The following ECI2 variants were observed in gnomAD, a reference collection of about 807,000 sequenced individuals.
ECI2 encodes the protein D3,D2-enoyl-CoA isomerase.
A neutral mutation model predicts 38.4 loss-of-function variants in ECI2; 27 were observed. The observed-to-expected ratio is 0.70, with a 90% CI of 0.52 to 0.97. The LOEUF is 0.97. ECI2 is among the 50% of genes least tolerant of loss of function. The pLI, the probability that ECI2 is intolerant of heterozygous loss-of-function variation, is 0.00. For missense variants in ECI2, 470 were observed against 474.4 expected (o/e 0.99, Z 0.09); for synonymous variants, 168 against 172.0 (o/e 0.98, Z 0.18).
At chr6:4,123,839 C>T (rs1380685056) in intron 7 of ECI2, among the ~76,000 whole-genome samples, 3 of 151,706 alleles carry the variant, frequency 2.0e-5, no homozygotes, top group Middle Eastern at 3.2e-3. Flanking sequence ...TGTGGTGGCA[C>T]GCACCTGTAC....
At chr6:4,119,307 T>C (rs1406501511) in intron 7 of ECI2, 32 bp from the exon 8 acceptor site, 1 of 1,509,588 alleles carries the variant, frequency 6.6e-7, no homozygotes, top group East Asian at 2.3e-5. Flanking sequence ...GAAAACCATC[T>C]TTTCATGTGT....
chr6:4,118,714 G>A (rs1167353074), intron 8 of ECI2: 1 of 153,546 alleles, frequency 6.5e-6, no homozygotes, highest in Non-Finnish European at 1.5e-5. Flanking sequence ...TGGCAGCCGT[G>A]AGCCCCCACA....
At chr6:4,116,214 G>A (rs1772258482) in intron 9 of ECI2, among the ~76,000 whole-genome samples, 185 bp from the exon 10 acceptor site, 1 of 151,896 alleles carries the variant, frequency 6.6e-6, no homozygotes. Context: ...AGCTGGTTGT[G>A]GTGGTACATG....
intron 2 of ECI2, among the ~76,000 whole-genome samples, chr6:4,131,307 G>A (rs1773498264): frequency 6.6e-6 from 1 of 151,984 alleles, no homozygotes; most frequent in Non-Finnish European, 1.5e-5. Flanking sequence ...GTGGACTTTT[G>A]GTACCTGGGT....
At chr6:4,128,634 G>A (rs1773328991) in intron 4 of ECI2, among the ~76,000 whole-genome samples, 2 of 152,018 alleles carry the variant, frequency 1.3e-5, no homozygotes, top group African/African-American at 4.8e-5. Flanking sequence ...AAAAATACCT[G>A]GAAAAGAATT....
chr6:4,122,406 A>C (rs1772860452), intron 7 of ECI2, among the ~76,000 whole-genome samples: 1 of 152,052 alleles, frequency 6.6e-6, no homozygotes, highest in South Asian at 2.1e-4. Context: ...TTTTTAGTAG[A>C]GACGGGGCTT....
chr6:4,135,548 A>ACGCCAT lies in ECI2; in HGVS notation c.7_12dup (p.Met3_Ala4dup), dbSNP rs1744522049. 1.4e-6 allele frequency: 2 copies of ACGCCAT among 1,462,986 alleles called. No homozygotes were observed. The highest frequency in any genetic ancestry group is 9.2e-7 in the Non-Finnish European group (1 of 1,088,234). The allele number at this position is 1,462,986 out of a possible 1,614,324, so 90.6% of individuals were successfully genotyped here. A position where few individuals can be genotyped will look rare whatever the true frequency, so the allele number is the denominator to read the frequency against. On this transcript the variant is annotated inframe_insertion, in exon 1 of 10. Transcript: ENST00000380118. The stretch of plus-strand genomic sequence containing the variant: ...CGCCGCGCCAGTCTCCAAGCCAAGT[A>ACGCCAT]CGCCATCGCCATCCCTTGGGCGGCT...
At chr6:4,117,674 CG>C in intron 8 of ECI2, 1 of 454,536 alleles carries the variant, frequency 2.2e-6, no homozygotes, top group Admixed American at 4.0e-5. Context: ...TTCTGTGTAT[CG>C]TTGTTGGAGG....
intron 7 of ECI2, chr6:4,124,996 A>G (rs1166381796): frequency 1.7e-6 from 1 of 598,990 alleles, no homozygotes; most frequent in Non-Finnish European, 3.1e-6. Flanking sequence ...TGAAAGCTGT[A>G]TACCTATTGT....
chr6:4,132,777 C>T (rs968677248), intron 2 of ECI2, among the ~76,000 whole-genome samples: 1 of 152,000 alleles, frequency 6.6e-6, no homozygotes, highest in South Asian at 2.1e-4. Flanking sequence ...TATTTTCTTT[C>T]GTTTTTGGAC....
chr6:4,119,823 T>A (rs28878015), intron 7 of ECI2, among the ~76,000 whole-genome samples: 9,454 of 152,068 alleles, frequency 0.062, 653 homozygotes, highest in East Asian at 0.34. Context: ...CCCTGAAAGG[T>A]TCCGGGGGCC....
intron 7 of ECI2, among the ~76,000 whole-genome samples, 155 bp from the exon 8 acceptor site, chr6:4,119,430 C>G (rs182141833): frequency 0.012 from 1,856 of 152,020 alleles, 34 homozygotes; most frequent in African/African-American, 0.041. Context: ...AAGCGATTCT[C>G]CTGCCTCAGC....
chr6:4,128,684 C>G (rs1156273027), intron 4 of ECI2, among the ~76,000 whole-genome samples: 3 of 152,170 alleles, frequency 2.0e-5, no homozygotes, highest in African/African-American at 7.2e-5. Flanking sequence ...TTTCTCTTAT[C>G]ATTAGTCCCT....
chr6:4,130,438 G>C lies in ECI2; in HGVS notation c.435C>G (p.Thr145=). Residue 145 remains threonine (T), a synonymous_variant, in exon 4 of 10, where the codon ACC becomes ACG. Transcript: ENST00000380118. ...KSTGFETLVV[T]SEDGITKIMF... ...TGATCTTTGTGATGCCATCTTCGGA[G>C]GTCACCACCAGAGTTTCAAACCCAG... The C allele has an allele frequency of 6.2e-7, 1 of 1,614,156 alleles. No individual in the cohort carries two copies. The highest frequency in any genetic ancestry group is 8.5e-7 in the Non-Finnish European group (1 of 1,180,028).
At chr6:4,131,627 TG>T (rs1409122447) in intron 2 of ECI2, among the ~76,000 whole-genome samples, 1 of 151,894 alleles carries the variant, frequency 6.6e-6, no homozygotes, top group Non-Finnish European at 1.5e-5. Flanking sequence ...GAGGCTGAGG[TG>T]GGTGGATCAC....
At chr6:4,129,537 ACTT>A (rs919609122) in intron 4 of ECI2, among the ~76,000 whole-genome samples, 1 of 152,220 alleles carries the variant, frequency 6.6e-6, no homozygotes, top group African/African-American at 2.4e-5. Context: ...AATTAAATAA[ACTT>A]CTGTGTGGAG....
intron 8 of ECI2, 129 bp from the exon 9 acceptor site, chr6:4,117,580 G>C: frequency 7.6e-7 from 1 of 1,320,144 alleles, no homozygotes; most frequent in East Asian, 2.5e-5. Flanking sequence ...TCTCAGTAAG[G>C]GAGAAGCTGA....
At chr6:4,125,580 C>A in intron 6 of ECI2, 2 of 650,498 alleles carry the variant, frequency 3.1e-6, no homozygotes, top group Non-Finnish European at 5.1e-6. Context: ...GATGGAAGAC[C>A]AACCAGTGAG....
rs1375844034 is a variant in ECI2, at chr6:4,122,434, T to C, written c.795+2816A>G. 6.6e-5 allele frequency among the ~76,000 whole-genome samples: 10 copies of C among 152,314 alleles called. No homozygotes were observed. In the East Asian group the frequency reaches 1.9e-3, roughly 29 times the overall value. ...CGGGGCTTCACCATGTTGGCCAGGC[T>C]GGTCTCGAATTCCTGACCTCAAGTG... On this transcript the variant is annotated intron_variant, in intron 7 of 9. Coordinates refer to ENST00000380118, the MANE Select transcript of ECI2 (RefSeq NM_206836.3).
Sources: gnomAD v4.1 joint callset for allele counts (sites outside exome capture counted in the v4.1 genomes callset) on GRCh38, gnomAD v4.1.1 for gene constraint, MANE v1.5 for transcripts, NCBI Gene and HGNC (gene_info 2026-07-23, HGNC 2026-07-21) for gene names.